UTRN: variants seen among roughly 807,000 people sequenced by gnomAD.
The protein encoded by UTRN is dystrophin-related protein 1.
A neutral mutation model predicts 463.9 loss-of-function variants in UTRN; 283 were observed. That is an observed-to-expected ratio of 0.61 (90% CI 0.55 to 0.67). The LOEUF (loss-of-function observed/expected upper bound fraction) is 0.67, where lower values mean the gene tolerates loss of function less well. Ranked by LOEUF, UTRN falls within the 30% of genes least tolerant of loss-of-function variation. UTRN has a pLI of 0.00. For synonymous variants in UTRN, 1,442 were observed against 1,431.5 expected, an observed-to-expected ratio of 1.01 and a Z score of -0.17; for missense variants, 3,922 against 4,084.3, an observed-to-expected ratio of 0.96 and a Z score of 1.08.
At chr6:144,579,197 T>C (rs572949751) in intron 51 of UTRN, among the ~76,000 whole-genome samples, 4 of 152,342 alleles carry the variant, frequency 2.6e-5, no homozygotes, top group African/African-American at 9.6e-5. Context: ...ATCTGTTCCT[T>C]TGACTCACTC....
Position 144,834,437 on chromosome 6 carries a change from C to T in UTRN, c.9666-1343C>T, listed in dbSNP as rs534620481. On this transcript the variant is annotated intron_variant, in intron 69 of 74. Coordinates refer to ENST00000367545, the MANE Select transcript of UTRN (RefSeq NM_007124.3). Reference sequence around the variant, plus strand: ...CTGTTTGACAAGCATAATACCAGAACGTTCAGTTTTCTCAATTGCTTCATC... The same window carrying T: ...CTGTTTGACAAGCATAATACCAGAATGTTCAGTTTTCTCAATTGCTTCATC... 5.3e-5 allele frequency among the ~76,000 whole-genome samples: 8 copies of T among 152,294 alleles called. No individual in the cohort carries two copies. The East Asian group carries it at 7.7e-4, about 15-fold the overall frequency.
Position 144,542,829 on chromosome 6 carries a change from G to T in UTRN, c.6554G>T (p.Cys2185Phe). 3 of 1,613,774 alleles carry T rather than the reference G, an allele frequency of 1.9e-6. No individual in the cohort carries two copies. Among genetic ancestry groups the T allele is most frequent in the Non-Finnish European group, 2.5e-6 (3 of 1,179,862 alleles). Residue 2185 changes from cysteine to phenylalanine, a missense_variant, in exon 46 of 75, where the codon TGC becomes TTC. Cys to Phe is a radical substitution (Grantham distance 205). Coordinates refer to ENST00000367545, the MANE Select transcript of UTRN (RefSeq NM_007124.3). Reference sequence around the variant, plus strand: ...GAGGTGCCTACCACCCTGAAGGAATGCATCCAGGAGCCCAGTTCTGTTTCA... The same window carrying T: ...GAGGTGCCTACCACCCTGAAGGAATTCATCCAGGAGCCCAGTTCTGTTTCA... ...CREVPTTLKE[C>F]IQEPSSVSQT...
chr6:144,545,013 A>G (rs527875416), intron 46 of UTRN, among the ~76,000 whole-genome samples: 4 of 152,054 alleles, frequency 2.6e-5, no homozygotes, highest in South Asian at 2.1e-4. Flanking sequence ...TCTCTTTTCT[A>G]CCTATGCTTA....
At chr6:144,323,697 T>C (rs1026318717) in intron 2 of UTRN, among the ~76,000 whole-genome samples, 1 of 152,252 alleles carries the variant, frequency 6.6e-6, no homozygotes, top group Non-Finnish European at 1.5e-5. Flanking sequence ...TTTTTGGTCA[T>C]ATATTAAACA....
intron 35 of UTRN, 54 bp from the exon 36 acceptor site, chr6:144,513,855 A>G (rs1265726345): frequency 4.4e-6 from 7 of 1,578,096 alleles, no homozygotes; most frequent in Non-Finnish European, 5.2e-6. Context: ...TTTTAAGATT[A>G]TCATCTTAAA....
intron 51 of UTRN, among the ~76,000 whole-genome samples, chr6:144,604,420 G>T (rs911710203): frequency 1.3e-5 from 2 of 152,228 alleles, no homozygotes; most frequent in East Asian, 1.9e-4. Flanking sequence ...ATTCTAGGCC[G>T]ATCTGCAAGA....
intron 58 of UTRN, among the ~76,000 whole-genome samples, chr6:144,759,186 T>C (rs763467750): frequency 5.3e-5 from 8 of 152,058 alleles, no homozygotes; most frequent in Non-Finnish European, 1.0e-4. Flanking sequence ...TACAATGCAC[T>C]GAGTTGTGAA....
chr6:144,598,187 G>C (rs1803852914), intron 51 of UTRN, among the ~76,000 whole-genome samples: 1 of 152,206 alleles, frequency 6.6e-6, no homozygotes, highest in Non-Finnish European at 1.5e-5. Flanking sequence ...TGCCCAGGGT[G>C]ATCAGGGTGT....
rs76779709 is a variant in UTRN at position 144,419,260 on chromosome 6, C to G, written c.142-2618C>G. Among the ~76,000 whole-genome samples the G allele has an allele frequency of 8.7e-4, 133 of 152,348 alleles. No individual in the cohort carries two copies. In the East Asian group the frequency reaches 0.023, roughly 26 times the overall value. ...TGCCTCTGGAAAGTGGCCCCTGCAT[C>G]TTGCACATCTCTGTGTTATTTTGAT... On this transcript the variant is annotated intron_variant, in intron 3 of 74. Coordinates refer to ENST00000367545, the MANE Select transcript of UTRN (RefSeq NM_007124.3).
At chr6:144,793,359 T>G (rs963813256) in intron 62 of UTRN, among the ~76,000 whole-genome samples, 2 of 152,086 alleles carry the variant, frequency 1.3e-5, no homozygotes, top group African/African-American at 2.4e-5. Flanking sequence ...TCCTCCTGCC[T>G]TAGTCTCTCC....
intron 2 of UTRN, among the ~76,000 whole-genome samples, chr6:144,353,130 T>G (rs1778255561): frequency 6.6e-6 from 1 of 151,938 alleles, no homozygotes; most frequent in African/African-American, 2.4e-5. Flanking sequence ...TTTTTTTTTA[T>G]TTGGGTAAGA....
chr6:144,755,665 T>A (rs1791914260), intron 57 of UTRN, among the ~76,000 whole-genome samples: 1 of 152,168 alleles, frequency 6.6e-6, no homozygotes, highest in East Asian at 1.9e-4. Flanking sequence ...TTCATTTCCT[T>A]TAGCAAATAT....
chr6:144,830,729 G>GTTTTTTT (rs78932581), intron 69 of UTRN, among the ~76,000 whole-genome samples: 2 of 140,812 alleles, frequency 1.4e-5, no homozygotes, highest in East Asian at 2.1e-4. Context: ...TTTGTTTTTT[G>GTTTTTTT]TTTTTTTTTT....
chr6:144,651,234 A>C (rs947404254), intron 51 of UTRN, among the ~76,000 whole-genome samples: 2 of 152,128 alleles, frequency 1.3e-5, no homozygotes, highest in African/African-American at 4.8e-5. Context: ...AAGTCAATGC[A>C]GGCATTTCTG....
chr6:144,662,597 C>T (rs545793814), intron 51 of UTRN, among the ~76,000 whole-genome samples: 3 of 152,288 alleles, frequency 2.0e-5, no homozygotes, highest in South Asian at 4.2e-4. Flanking sequence ...TAGGTGACCA[C>T]AGTAGAAAGG....
intron 2 of UTRN, among the ~76,000 whole-genome samples, chr6:144,321,888 C>T (rs923920455): frequency 6.6e-5 from 10 of 151,948 alleles, no homozygotes; most frequent in South Asian, 2.1e-4. Flanking sequence ...CTCGGCCTCC[C>T]GAGTAGCTGG....
intron 23 of UTRN, among the ~76,000 whole-genome samples, chr6:144,469,272 A>T (rs1438382465): frequency 6.6e-6 from 1 of 152,190 alleles, no homozygotes; most frequent in East Asian, 1.9e-4. Context: ...ATGGGACATA[A>T]ACACCAAAAC....
At chr6:144,826,640 T>TG (rs1436822250) in intron 66 of UTRN, among the ~76,000 whole-genome samples, 2 of 152,150 alleles carry the variant, frequency 1.3e-5, no homozygotes, top group Non-Finnish European at 2.9e-5. Context: ...CACAAGCCCC[T>TG]GAGTCAAGCA....
chr6:144,739,691 CT>C (rs1562844647), intron 54 of UTRN, among the ~76,000 whole-genome samples: 1 of 152,172 alleles, frequency 6.6e-6, no homozygotes, highest in Non-Finnish European at 1.5e-5. Context: ...TTCTCCATGT[CT>C]TCTTCTCTGC....
Sources: allele counts gnomAD v4.1 joint callset (sites outside exome capture counted in the v4.1 genomes callset), GRCh38; gene constraint gnomAD v4.1.1; transcripts MANE v1.5; gene names NCBI Gene and HGNC (gene_info 2026-07-23, HGNC 2026-07-21).